FOXP2: variants seen among roughly 807,000 people sequenced by gnomAD.
FOXP2 encodes the protein forkhead box protein P2.
Under a neutral mutation model 115.8 loss-of-function variants are expected in FOXP2, and 12 were observed. That is an observed-to-expected ratio of 0.10 (90% confidence interval 0.07 to 0.17). FOXP2 has a LOEUF of 0.17. Among genes scored for constraint, FOXP2 ranks in the 10% least tolerant of loss-of-function variants. FOXP2 has a pLI of 1.00. For synonymous variants in FOXP2, 328 were observed against 297.7 expected, an observed-to-expected ratio of 1.10 and a Z score of -1.05; for missense variants, 629 against 843.5, an observed-to-expected ratio of 0.75 and a Z score of 3.15.
chr7:114,111,498 A>G (rs1490636684), intron 1 of FOXP2, among the ~76,000 whole-genome samples: 1 of 152,056 alleles, frequency 6.6e-6, no homozygotes, highest in Admixed American at 6.5e-5. Flanking sequence ...TTTAGCACTA[A>G]ATTTTGAGGT....
chr7:114,558,435 C>G (rs1800576348), intron 3 of FOXP2, among the ~76,000 whole-genome samples: 1 of 152,128 alleles, frequency 6.6e-6, no homozygotes, highest in Non-Finnish European at 1.5e-5. Context: ...AATGAGAAAT[C>G]TGAAGTTCAC....
upstream of FOXP2, chr7:114,087,679 C>A: frequency 6.7e-6 from 1 of 149,210 alleles, no homozygotes; most frequent in South Asian, 1.9e-4. Flanking sequence ...CCGCGCGCGC[C>A]ACCCGCGCGT....
At chr7:114,488,104 C>T (rs1584797407) in intron 2 of FOXP2, among the ~76,000 whole-genome samples, 1 of 152,106 alleles carries the variant, frequency 6.6e-6, no homozygotes, top group East Asian at 1.9e-4. Context: ...GGGGAGGACT[C>T]ACAATTACGG....
intron 2 of FOXP2, among the ~76,000 whole-genome samples, chr7:114,515,603 A>G (rs1475807411): frequency 4.0e-5 from 6 of 151,800 alleles, no homozygotes; most frequent in Non-Finnish European, 8.8e-5. Flanking sequence ...AGTTCATTGT[A>G]GATTCTGGAT....
chr7:114,261,137 A>AT (rs1322788165), intron 1 of FOXP2, among the ~76,000 whole-genome samples: 2 of 152,184 alleles, frequency 1.3e-5, no homozygotes, highest in Non-Finnish European at 2.9e-5. Flanking sequence ...TGTACTTTCA[A>AT]TAAAAAGGAC....
At chr7:114,390,529 T>TTTA (rs370875188) in intron 2 of FOXP2, among the ~76,000 whole-genome samples, 4 of 151,344 alleles carry the variant, frequency 2.6e-5, no homozygotes, top group African/African-American at 9.7e-5. Context: ...TATGTATTTA[T>TTTA]TTATTTATTT....
chr7:114,173,796 CTA>C (rs1368778486), intron 1 of FOXP2, among the ~76,000 whole-genome samples: 15 of 151,934 alleles, frequency 9.9e-5, no homozygotes, highest in African/African-American at 3.4e-4. Flanking sequence ...TAAAAACCAG[CTA>C]TGTTTCTTTC....
At chr7:114,291,575 TTAG>T (rs1796591157) in intron 2 of FOXP2, among the ~76,000 whole-genome samples, 2 of 151,872 alleles carry the variant, frequency 1.3e-5, no homozygotes, top group Non-Finnish European at 2.9e-5. Context: ...ACAGTTTAGC[TTAG>T]GGTCTTAAAA....
At chr7:114,642,835 G>T (rs1184507037) in intron 7 of FOXP2, among the ~76,000 whole-genome samples, 5 of 91,774 alleles carry the variant, frequency 5.4e-5, no homozygotes, top group African/African-American at 8.1e-5. Flanking sequence ...TTTAGGCAGA[G>T]TCTTGCTCTG....
chr7:114,648,986 T>G (rs1471386592), intron 8 of FOXP2, among the ~76,000 whole-genome samples: 1 of 152,098 alleles, frequency 6.6e-6, no homozygotes, highest in Non-Finnish European at 1.5e-5. Flanking sequence ...TTGCTCTTAT[T>G]AATGCATAGT....
At chr7:114,113,818 T>C (rs1791335572) in intron 1 of FOXP2, among the ~76,000 whole-genome samples, 1 of 152,162 alleles carries the variant, frequency 6.6e-6, no homozygotes, top group Admixed American at 6.6e-5. Context: ...AAGATTTTTA[T>C]ATATTTAAAG....
chr7:114,212,565 A>G (rs934840439), intron 1 of FOXP2, among the ~76,000 whole-genome samples: 17 of 152,246 alleles, frequency 1.1e-4, no homozygotes, highest in South Asian at 2.1e-4. Context: ...AAAGAAAAAA[A>G]AAAACAAGGA....
At chr7:114,601,444 A>G (rs1220707173) in intron 3 of FOXP2, among the ~76,000 whole-genome samples, 2 of 152,110 alleles carry the variant, frequency 1.3e-5, no homozygotes, top group African/African-American at 2.4e-5. Context: ...TATGCTTTAC[A>G]TTATGTCTGT....
chr7:114,343,298 G>A (rs918477204), intron 2 of FOXP2, among the ~76,000 whole-genome samples: 3 of 151,468 alleles, frequency 2.0e-5, no homozygotes, highest in Non-Finnish European at 4.4e-5. Context: ...AAGTAACCCA[G>A]CAGGTAAGGA....
rs1027444826 is a variant in FOXP2, at chr7:114,344,631, A to T, written c.-11+56522A>T. Among the ~76,000 whole-genome samples the T allele has an allele frequency of 3.3e-5, 5 of 151,884 alleles. No homozygotes were observed. The East Asian group carries it at 9.6e-4, about 29-fold the overall frequency. ...GAGCTTTCTCAGATTGACCGTAGACATATTTTCTTAAGAGATACATACATA... is the reference window on the plus strand; with the variant it reads ...GAGCTTTCTCAGATTGACCGTAGACTTATTTTCTTAAGAGATACATACATA... On this transcript the variant is annotated intron_variant, in intron 2 of 17. Transcript: ENST00000634411.
chr7:114,097,199 A>T (rs1322164586), intron 1 of FOXP2, among the ~76,000 whole-genome samples: 1 of 152,196 alleles, frequency 6.6e-6, no homozygotes, highest in Non-Finnish European at 1.5e-5. Flanking sequence ...ATTTTTTGAC[A>T]AACATATAGC....
intron 3 of FOXP2, among the ~76,000 whole-genome samples, chr7:114,581,411 G>T (rs1218231883): frequency 6.6e-6 from 1 of 151,760 alleles, no homozygotes; most frequent in Non-Finnish European, 1.5e-5. Flanking sequence ...TGAACTCCTG[G>T]CCTTACAGAC....
At chr7:114,410,969 G>T (rs529179411), upstream of FOXP2, among the ~76,000 whole-genome samples, 2 of 152,118 alleles carry the variant, frequency 1.3e-5, no homozygotes, top group South Asian at 2.1e-4. Flanking sequence ...TTATATGTAG[G>T]TTATGCTAGT....
intron 3 of FOXP2, among the ~76,000 whole-genome samples, chr7:114,624,056 T>C (rs1428584415): frequency 1.3e-5 from 2 of 151,928 alleles, no homozygotes; most frequent in East Asian, 1.9e-4. Context: ...ACATTACACA[T>C]GTAACCAAGG....
Sources: allele counts gnomAD v4.1 joint callset (sites outside exome capture counted in the v4.1 genomes callset), GRCh38; gene constraint gnomAD v4.1.1; transcripts MANE v1.5; gene names NCBI Gene and HGNC (gene_info 2026-07-23, HGNC 2026-07-21).